ARHGEF38: variants seen among roughly 807,000 people sequenced by gnomAD.
The protein encoded by ARHGEF38 is Rho guanine nucleotide exchange factor 38.
A neutral mutation model predicts 79.9 loss-of-function variants in ARHGEF38; 79 were observed. The ratio of observed to expected loss-of-function variants is 0.99; its 90% CI spans 0.82 to 1.19. ARHGEF38 has a LOEUF of 1.19. Ranked by LOEUF, ARHGEF38 falls within the 50% of genes most tolerant of loss-of-function variation. ARHGEF38 has a pLI of 0.00. For missense variants in ARHGEF38, 962 were observed against 907.2 expected (o/e 1.06, Z -0.78); for synonymous variants, 366 against 328.3 (o/e 1.11, Z -1.24).
chr4:105,620,771 T>C (rs1390426435), intron 3 of ARHGEF38, among the ~76,000 whole-genome samples: 2 of 152,202 alleles, frequency 1.3e-5, no homozygotes, highest in African/African-American at 2.4e-5. Context: ...TGGCAGTAAT[T>C]AGTCTCCAAA....
rs770691033 is a variant in ARHGEF38, at chr4:105,667,159, C to T, written c.1720C>T (p.Arg574Cys). Residue 574 changes from arginine to cysteine, a missense_variant, in exon 12 of 14, where the codon CGC becomes TGC. Arg to Cys is a radical substitution (Grantham distance 180, BLOSUM62 -3). Transcript: ENST00000420470. ...AATGCCACATCAAACTGACATTCATCGCTCCAAACTTCTATCCACATATAG... is the reference window on the plus strand; with the variant it reads ...AATGCCACATCAAACTGACATTCATTGCTCCAAACTTCTATCCACATATAG... ...PEMPHQTDIHRSKLLSTYSAE... is the reference protein window; with the variant it reads ...PEMPHQTDIHCSKLLSTYSAE... 11 of 1,534,390 alleles carry T rather than the reference C, an allele frequency of 7.2e-6. No individual in the cohort carries two copies. The highest frequency in any genetic ancestry group is 2.4e-5 in the East Asian group (1 of 40,864).
At chr4:105,658,573 G>T (rs1305262423) in intron 9 of ARHGEF38, among the ~76,000 whole-genome samples, 1 of 152,078 alleles carries the variant, frequency 6.6e-6, no homozygotes, top group Non-Finnish European at 1.5e-5. Context: ...GAAGAATAGG[G>T]TACAGTCTCC....
intron 4 of ARHGEF38, among the ~76,000 whole-genome samples, chr4:105,635,740 G>A (rs1190520848): frequency 6.6e-6 from 1 of 151,976 alleles, no homozygotes; most frequent in Non-Finnish European, 1.5e-5. Flanking sequence ...TTCTTTCATT[G>A]CAATAGGAGA....
chr4:105,557,238 T>C (rs950669236), intron 1 of ARHGEF38, among the ~76,000 whole-genome samples: 4 of 152,190 alleles, frequency 2.6e-5, no homozygotes, highest in African/African-American at 9.6e-5. Context: ...TGTGTATATA[T>C]ATATATCTCC....
chr4:105,672,102 G>C (rs1261131007), intron 13 of ARHGEF38, among the ~76,000 whole-genome samples: 2 of 152,058 alleles, frequency 1.3e-5, no homozygotes, highest in Non-Finnish European at 2.9e-5. Context: ...TTTTATACTA[G>C]AGCTGAATTT....
At chr4:105,586,094 G>A (rs1260671441) in intron 1 of ARHGEF38, among the ~76,000 whole-genome samples, 3 of 151,972 alleles carry the variant, frequency 2.0e-5, no homozygotes. Context: ...TGGGCGATAT[G>A]TGTTGGCAAT....
chr4:105,592,887 G>A (rs542945557), intron 2 of ARHGEF38, among the ~76,000 whole-genome samples: 16 of 152,208 alleles, frequency 1.1e-4, no homozygotes, highest in East Asian at 3.9e-4. Flanking sequence ...AATGGTTCCC[G>A]CTTCTAATGA....
chr4:105,664,503 G>C (rs1730679488), intron 10 of ARHGEF38, among the ~76,000 whole-genome samples: 1 of 151,750 alleles, frequency 6.6e-6, no homozygotes. Flanking sequence ...CCCTACATTT[G>C]CTATAGTCAG....
intron 1 of ARHGEF38, among the ~76,000 whole-genome samples, chr4:105,564,927 G>A (rs1394824948): frequency 6.6e-6 from 1 of 152,040 alleles, no homozygotes. Context: ...TTTAAGCTTG[G>A]GTCAGGAAAG....
At chr4:105,614,192 G>A (rs937356828) in intron 3 of ARHGEF38, among the ~76,000 whole-genome samples, 1 of 152,094 alleles carries the variant, frequency 6.6e-6, no homozygotes, top group African/African-American at 2.4e-5. Flanking sequence ...AAGGCAGTTT[G>A]CACTTCGAGA....
intron 1 of ARHGEF38, among the ~76,000 whole-genome samples, chr4:105,586,555 T>C (rs1727058910): frequency 6.6e-6 from 1 of 152,212 alleles, no homozygotes; most frequent in Non-Finnish European, 1.5e-5. Context: ...TGAAGCAGGT[T>C]AAGTTAACAT....
intron 1 of ARHGEF38, among the ~76,000 whole-genome samples, chr4:105,585,178 A>G (rs1325624789): frequency 1.3e-5 from 2 of 152,022 alleles, no homozygotes; most frequent in African/African-American, 4.8e-5. Flanking sequence ...TATTTTTCCC[A>G]TTCCCACAGA....
chr4:105,596,448 A>G (rs1273835244), intron 2 of ARHGEF38, among the ~76,000 whole-genome samples: 7 of 152,102 alleles, frequency 4.6e-5, no homozygotes, highest in Admixed American at 3.9e-4. Flanking sequence ...GGGCTCACCA[A>G]CTCCCTGAGA....
At chr4:105,652,428 G>C (rs1730142169) in intron 7 of ARHGEF38, among the ~76,000 whole-genome samples, 1 of 152,154 alleles carries the variant, frequency 6.6e-6, no homozygotes, top group Non-Finnish European at 1.5e-5. Context: ...GAGCACATAG[G>C]AGAGAGCAAT....
chr4:105,680,027 A>C lies in ARHGEF38; in HGVS notation c.*2090A>C. Reference sequence around the variant, plus strand: ...GTGCGGATTCATGGCCATGTCAGTTACATTCTTCTTCGTCTCACAGAAAAT... The same window carrying C: ...GTGCGGATTCATGGCCATGTCAGTTCCATTCTTCTTCGTCTCACAGAAAAT... On this transcript the variant is annotated 3_prime_UTR_variant, in exon 14 of 14. Coordinates refer to ENST00000420470, the MANE Select transcript of ARHGEF38 (RefSeq NM_001242729.2). The C allele has an allele frequency of 1.1e-6, 1 of 938,764 alleles. No individual in the cohort carries two copies. The highest frequency in any genetic ancestry group is 1.3e-5 in the South Asian group (1 of 77,714). 58.2% of individuals were successfully genotyped at this position (938,764 alleles called of 1,614,324 possible).
intron 1 of ARHGEF38, 45 bp from the exon 2 acceptor site, chr4:105,589,203 A>C (rs1260845866): frequency 6.6e-7 from 1 of 1,512,298 alleles, no homozygotes; most frequent in East Asian, 2.3e-5. Flanking sequence ...AAGGAAAAAG[A>C]AACCTCAGCA....
intron 2 of ARHGEF38, among the ~76,000 whole-genome samples, chr4:105,612,773 G>A (rs979797757): frequency 6.6e-6 from 1 of 151,954 alleles, no homozygotes; most frequent in Non-Finnish European, 1.5e-5. Flanking sequence ...ATGGATAAAT[G>A]AATAAATAAA....
At chr4:105,630,227 A>C (rs920101780) in intron 3 of ARHGEF38, among the ~76,000 whole-genome samples, 1 of 151,294 alleles carries the variant, frequency 6.6e-6, no homozygotes, top group Admixed American at 6.6e-5. Flanking sequence ...AAATCCGTGC[A>C]CACCAACTCT....
intron 4 of ARHGEF38, among the ~76,000 whole-genome samples, chr4:105,632,057 G>A (rs952622886): frequency 3.9e-5 from 6 of 152,126 alleles, no homozygotes; most frequent in Non-Finnish European, 8.8e-5. Flanking sequence ...GGATCCTAAC[G>A]TGGTACAAGA....
Sources: gnomAD v4.1 joint callset for allele counts (sites outside exome capture counted in the v4.1 genomes callset) on GRCh38, gnomAD v4.1.1 for gene constraint, MANE v1.5 for transcripts, NCBI Gene and HGNC (gene_info 2026-07-23, HGNC 2026-07-21) for gene names.